Variants in IL11RA observed in about 807,000 individuals in gnomAD.
IL11RA encodes the protein interleukin-11 receptor subunit alpha.
IL11RA carries 51 observed loss-of-function variants against 57.0 expected under a neutral mutation model. That is an observed-to-expected ratio of 0.89 (90% CI 0.71 to 1.13). The LOEUF is 1.13. Among genes scored for constraint, IL11RA ranks in the 50% most tolerant of loss-of-function variants. IL11RA has a pLI of 0.00. For synonymous variants in IL11RA, 199 were observed against 217.5 expected (o/e 0.91, Z 0.75); for missense variants, 498 against 539.4 (o/e 0.92, Z 0.76).
chr9:34,660,379 A>T lies in IL11RA; in HGVS notation c.1058A>T (p.His353Leu). The change falls in exon 10 of 13, where the codon CAC becomes CTC. Residue 353 changes from histidine (H) to leucine (L), a missense_variant. Physicochemically the swap from His to Leu is moderately conservative, Grantham distance 99. Coordinates refer to ENST00000441545, the MANE Select transcript of IL11RA (RefSeq NM_001142784.3). ...CCTCCAAGGCCCTCCCTCCAACCAC[A>T]CCCTCGGCTACTTGGTGAGCTTGGG... Reference protein sequence around the residue: ...PAPPRPSLQPHPRLLDHRDSV... With the variant: ...PAPPRPSLQPLPRLLDHRDSV... The T allele has an allele frequency of 6.2e-7, 1 of 1,613,604 alleles. No individual in the cohort carries two copies. Among genetic ancestry groups the T allele is most frequent in the Non-Finnish European group, 8.5e-7 (1 of 1,179,880 alleles).
chr9:34,655,293 T>A lies in IL11RA; in HGVS notation c.76T>A (p.Cys26Ser). Residue 26 changes from cysteine (C) to serine (S), a missense_variant, in exon 2 of 13, where the codon TGC becomes AGC. Cys to Ser is a moderately radical substitution (Grantham distance 112). Transcript: ENST00000441545. ...ATALVSASSPCPQAWGPPGVQ... is the reference protein window; with the variant it reads ...ATALVSASSPSPQAWGPPGVQ... ...AGCCCTGGTGTCTGCCTCCTCCCCC[T>A]GCCCCCAGGCCTGGGGCCCCCCAGG... 5.0e-6 allele frequency: 8 copies of A among 1,608,140 alleles called. No homozygotes were observed. Among genetic ancestry groups the A allele is most frequent in the East Asian group, 4.5e-5 (2 of 44,730 alleles).
Position 34,655,749 on chromosome 9 carries a change from C to T in IL11RA, c.161+84C>T, listed in dbSNP as rs7855472. On this transcript the variant is annotated intron_variant, in intron 3 of 12. Transcript: ENST00000441545. ...GTCCTCATGTCCCGCCCCTCCCATC[C>T]TTGCCCGCTCTGTCCGTAATCCTCA... 3.9e-4 allele frequency: 441 copies of T among 1,117,350 alleles called. No individual in the cohort carries two copies. The African/African-American group carries it at 6.0e-3, about 15-fold the overall frequency. 69.2% of individuals were successfully genotyped at this position (1,117,350 alleles called of 1,614,324 possible).
Position 34,656,776 on chromosome 9 carries a change from CT to C in IL11RA, c.200del (p.Leu67ArgfsTer9). The C allele has an allele frequency of 6.2e-7, 1 of 1,614,202 alleles. No homozygotes were observed. On this transcript the variant is annotated frameshift_variant, in exon 4 of 13. Coordinates refer to ENST00000441545, the MANE Select transcript of IL11RA (RefSeq NM_001142784.3). LOFTEE classifies it high-confidence loss of function. Reference protein sequence around the residue: ...VSWFRDGEPKLLQGPDSGLGH... With the variant: ...VSWFRDGEPKXLQGPDSGLGH... ...CTGGTTTCGGGATGGGGAGCCAAAG[CT>C]GCTCCAGGGACCTGACTCTGGGCTA...
chr9:34,657,578 C>T lies in IL11RA; in HGVS notation c.637C>T (p.Gln213Ter), dbSNP rs774742855. 9.3e-6 allele frequency: 15 copies of T among 1,614,072 alleles called. No individual in the cohort carries two copies. Among genetic ancestry groups the T allele is most frequent in the South Asian group, 3.3e-5 (3 of 91,080 alleles). Residue 213 changes from glutamine (Q) to a stop codon, truncating the protein, a stop_gained, in exon 7 of 13, where the codon CAG becomes TAG. Transcript: ENST00000441545. LOFTEE classifies it high-confidence loss of function. Reference sequence around the variant, plus strand: ...CACACGCCTGCTGGATGTGAGCTTGCAGAGCATCTGTGAGTACCCACCCCA... The same window carrying T: ...CACACGCCTGCTGGATGTGAGCTTGTAGAGCATCTGTGAGTACCCACCCCA... Reference protein sequence around the residue: ...ASTRLLDVSLQSILRPDPPQG... With the variant: ...ASTRLLDVSL
intron 12 of IL11RA, 44 bp downstream of exon 12, chr9:34,660,980 C>G: frequency 2.0e-6 from 3 of 1,508,448 alleles, no homozygotes; most frequent in Non-Finnish European, 2.8e-6. Context: ...GATGTTTGCC[C>G]CTATTTTGAG....
Position 34,657,421 on chromosome 9 carries a change from G to A in IL11RA, c.480G>A (p.Arg160=). The A allele has an allele frequency of 6.2e-7, 1 of 1,614,152 alleles. No individual in the cohort carries two copies. Among genetic ancestry groups the A allele is most frequent in the South Asian group, 1.1e-5 (1 of 91,086 alleles). ...KKTVLGADSQ[R]RSPSTGPWPC... Reference sequence around the variant, plus strand: ...CCAAAGACCACATCCTCCCTTCTAGGAGGAGTCCATCCACAGGGCCCTGGC... The same window carrying A: ...CCAAAGACCACATCCTCCCTTCTAGAAGGAGTCCATCCACAGGGCCCTGGC... Residue 160 remains arginine, a splice_region_variant and synonymous_variant, in exon 7 of 13, where the codon AGG becomes AGA. Transcript: ENST00000441545.
intron 1 of IL11RA, among the ~76,000 whole-genome samples, chr9:34,654,592 G>A (rs2812353): frequency 6.6e-6 from 1 of 152,172 alleles, no homozygotes; most frequent in Non-Finnish European, 1.5e-5. Flanking sequence ...GGAGACCAAC[G>A]AAGTGTCAAG....
rs749387031 is a variant in IL11RA, at chr9:34,656,859, C to T, written c.282C>T (p.Cys94=). The change falls in exon 4 of 13, where the codon TGC becomes TGT. Residue 94 remains cysteine, a synonymous_variant. Coordinates refer to ENST00000441545, the MANE Select transcript of IL11RA (RefSeq NM_001142784.3). ...ADSTDEGTYI[C]QTLDGALGGT... is the part of the protein sequence containing the mutation. ...GCACTGATGAGGGCACCTACATCTG[C>T]CAGACCCTGGATGGTGCACTTGGGG... 3 of 1,614,148 alleles carry T rather than the reference C, an allele frequency of 1.9e-6. No individual in the cohort carries two copies. Among genetic ancestry groups the T allele is most frequent in the East Asian group, 4.5e-5 (2 of 44,872 alleles).
In IL11RA at chr9:34,653,085, T is replaced by C. The variant is rs549725255; in HGVS notation, c.-1+852T>C. Among the ~76,000 whole-genome samples, 2 of 152,258 alleles carry C rather than the reference T, an allele frequency of 1.3e-5. No individual in the cohort carries two copies. The highest frequency in any genetic ancestry group is 4.8e-5 in the African/African-American group (2 of 41,558). On this transcript the variant is annotated intron_variant, in intron 1 of 12. Coordinates refer to ENST00000441545, the MANE Select transcript of IL11RA (RefSeq NM_001142784.3). The surrounding 1 kb of genome is among the most constrained non-coding windows in gnomAD (Gnocchi z 4.5). ...CCTGCTGATCTTGATCTCTGGCTAG[T>C]TGGGGGCCTGTAACAGTGATGAGAT...
chr9:34,658,711 C>T lies in IL11RA; in HGVS notation c.810+28C>T, dbSNP rs889690528. 11 of 1,606,536 alleles carry T rather than the reference C, an allele frequency of 6.8e-6. No homozygotes were observed. Among genetic ancestry groups the T allele is most frequent in the Non-Finnish European group, 7.6e-6 (9 of 1,179,092 alleles). On this transcript the variant is annotated intron_variant, in intron 8 of 12. Transcript: ENST00000441545. This position sits in a 1 kb window ranked among gnomAD's most constrained non-coding sequence, Gnocchi z 4.0. ...GAGGCCTGGAGTGCGTCCCAACCCA[C>T]GGCTGTGGGTCCTGTCTCTGATTTC...
At chr9:34,657,684 C>T (rs907806997) in intron 7 of IL11RA, 97 bp downstream of exon 7, 37 of 1,206,138 alleles carry the variant, frequency 3.1e-5, no homozygotes, top group Non-Finnish European at 4.1e-5. Flanking sequence ...TTCCTCCCAA[C>T]CTAGACTCCA....
At chr9:34,657,356 T>TG in intron 6 of IL11RA, 21 bp downstream of exon 6, 1 of 1,614,092 alleles carries the variant, frequency 6.2e-7, no homozygotes, top group Non-Finnish European at 8.5e-7. Flanking sequence ...AGGGAGCATG[T>TG]GGGGGCTCCA....
At position 34,660,406 on chromosome 9, in the gene IL11RA, A is replaced by G. The variant is rs1267736466; in HGVS notation, c.1072+13A>G. The G allele has an allele frequency of 1.9e-6, 3 of 1,613,924 alleles. No individual in the cohort carries two copies. The highest frequency in any genetic ancestry group is 3.3e-5 in the Admixed American group (2 of 59,964). ...CCTCGGCTACTTGGTGAGCTTGGGC[A>G]GATGGGCAAGACTTGTAAAGGACTG... is the stretch of plus-strand genomic sequence containing the variant. On this transcript the variant is annotated intron_variant, in intron 10 of 12. Transcript: ENST00000441545.
At position 34,658,485 on chromosome 9, in the gene IL11RA, T is replaced by C. The variant is rs774830920; in HGVS notation, c.647-35T>C. The C allele has an allele frequency of 6.2e-6, 10 of 1,612,118 alleles. No individual in the cohort carries two copies. The highest frequency in any genetic ancestry group is 1.6e-4 in the Middle Eastern group (1 of 6,080). Reference sequence around the variant, plus strand: ...GTGGTGGGGAAGTGATGGAGACCCATAGCCTACCCTGACTTTGTGTCTTGA... The same window carrying C: ...GTGGTGGGGAAGTGATGGAGACCCACAGCCTACCCTGACTTTGTGTCTTGA... On this transcript the variant is annotated intron_variant, in intron 7 of 12. Coordinates refer to ENST00000441545, the MANE Select transcript of IL11RA (RefSeq NM_001142784.3). The surrounding 1 kb of genome is among the most constrained non-coding windows in gnomAD (Gnocchi z 4.0).
Position 34,658,323 on chromosome 9 carries a change from T to G in IL11RA, c.647-197T>G, listed in dbSNP as rs1399809334. Among the ~76,000 whole-genome samples, 2 of 152,222 alleles carry G rather than the reference T, an allele frequency of 1.3e-5. No individual in the cohort carries two copies. The highest frequency in any genetic ancestry group is 2.9e-5 in the Non-Finnish European group (2 of 68,034). ...TTCCAGAGTGCTGAGATTACAGGCA[T>G]GAGCCACCACACGCGGCCTCAGCCC... On this transcript the variant is annotated intron_variant, in intron 7 of 12. Coordinates refer to ENST00000441545, the MANE Select transcript of IL11RA (RefSeq NM_001142784.3). The surrounding 1 kb of genome is among the most constrained non-coding windows in gnomAD (Gnocchi z 4.0).
At chr9:34,655,540 T>C (rs1821327128) in intron 2 of IL11RA, 65 bp from the exon 3 acceptor site, 1 of 1,447,062 alleles carries the variant, frequency 6.9e-7, no homozygotes, top group South Asian at 1.1e-5. Flanking sequence ...GCTTCTTATC[T>C]GTCATTCTCA....
In IL11RA at chr9:34,655,617, G is replaced by A. The variant is rs1286248107; in HGVS notation, c.113G>A (p.Gly38Glu). Residue 38 changes from glycine to glutamate, a missense_variant, in exon 3 of 13, where the codon GGG becomes GAG. Transcript: ENST00000441545. ...QAWGPPGVQY[G>E]QPGRSVKLCC... The stretch of plus-strand genomic sequence containing the variant: ...GTGCCCTCCACAGGGGTCCAGTATG[G>A]GCAGCCAGGCAGGTCCGTGAAGCTG... 1 of 1,614,106 alleles carries A rather than the reference G, an allele frequency of 6.2e-7. No individual in the cohort carries two copies. The highest frequency in any genetic ancestry group is 1.7e-5 in the Admixed American group (1 of 60,008).
chr9:34,661,771 A>G lies in IL11RA; in HGVS notation c.*273A>G. 2.7e-6 allele frequency: 2 copies of G among 754,372 alleles called. No homozygotes were observed. Among genetic ancestry groups the G allele is most frequent in the Non-Finnish European group, 2.2e-6 (1 of 445,686 alleles). 46.7% of individuals were successfully genotyped at this position (754,372 alleles called of 1,614,324 possible). A position where few individuals can be genotyped will look rare whatever the true frequency, so the allele number is the denominator to read the frequency against. ...TGTGTCTGTGAGGCAGGGAACATGT[A>G]TTCTCTGCATGCATGTATGTAGGTG... On this transcript the variant is annotated 3_prime_UTR_variant, in exon 13 of 13. Transcript: ENST00000441545.
chr9:34,660,263 C>T lies in IL11RA; in HGVS notation c.953-11C>T, dbSNP rs1821427774. On this transcript the variant is annotated splice_polypyrimidine_tract_variant and intron_variant, in intron 9 of 12. Coordinates refer to ENST00000441545, the MANE Select transcript of IL11RA (RefSeq NM_001142784.3). ...GCGTATGGACACTTATTGGGTCTTG[C>T]CTTCCTTTAGGGACCATACCAAAGG... is the stretch of plus-strand genomic sequence containing the variant. The T allele has an allele frequency of 1.2e-6, 2 of 1,614,168 alleles. No individual in the cohort carries two copies. Among genetic ancestry groups the T allele is most frequent in the Non-Finnish European group, 1.7e-6 (2 of 1,180,016 alleles).
Sources: gnomAD v4.1 joint callset for allele counts (sites outside exome capture counted in the v4.1 genomes callset) on GRCh38, gnomAD v4.1.1 for gene constraint, Gnocchi (gnomAD v3.1) non-coding constraint, MANE v1.5 for transcripts, NCBI Gene and HGNC (gene_info 2026-07-23, HGNC 2026-07-21) for gene names.